Variants in KANK1 observed in about 807,000 individuals in gnomAD.
KANK1 encodes the protein KN motif and ankyrin repeat domains 1, also known as KN motif and ankyrin repeat domain-containing protein 1.
Under a neutral mutation model 106.2 loss-of-function variants are expected in KANK1, and 109 were observed. That is an observed-to-expected ratio of 1.03 (90% CI 0.88 to 1.20). KANK1 has a LOEUF of 1.20. Ranked by LOEUF, KANK1 falls within the 50% of genes most tolerant of loss-of-function variation. KANK1 has a pLI of 0.00. For synonymous variants in KANK1, 873 were observed against 652.2 expected (o/e 1.34, Z -5.16); for missense variants, 2,399 against 1,710.7 (o/e 1.40, Z -7.10).
At chr9:504,106 C>T (rs1490137325), upstream of KANK1, among the ~76,000 whole-genome samples, 3 of 152,268 alleles carry the variant, frequency 2.0e-5, no homozygotes, top group East Asian at 5.8e-4. Flanking sequence ...GTCCCCCTCA[C>T]CCGGGGAGGG....
At chr9:604,156 T>C (rs1162263365) in intron 1 of KANK1, among the ~76,000 whole-genome samples, 3 of 151,520 alleles carry the variant, frequency 2.0e-5, no homozygotes, top group Non-Finnish European at 2.9e-5. Flanking sequence ...AAATACGTTA[T>C]TGTTCTGATT....
At chr9:720,187 G>C (rs1828926981) in intron 3 of KANK1, among the ~76,000 whole-genome samples, 1 of 152,186 alleles carries the variant, frequency 6.6e-6, no homozygotes, top group Non-Finnish European at 1.5e-5. Context: ...GCTGTTATAA[G>C]TTTGAGTTAA....
chr9:540,076 T>C (rs2133810628), intron 1 of KANK1, among the ~76,000 whole-genome samples: 1 of 152,356 alleles, frequency 6.6e-6, no homozygotes, highest in East Asian at 1.9e-4. Context: ...CTATATTGAA[T>C]AGAAGTGGTT....
intron 1 of KANK1, among the ~76,000 whole-genome samples, chr9:618,232 A>C (rs558754435): frequency 6.6e-6 from 1 of 152,160 alleles, no homozygotes; most frequent in Admixed American, 6.5e-5. Flanking sequence ...TTTACGAGAC[A>C]GAGTCTCGCC....
chr9:497,713 C>CGTG (rs1260701493), intron 3 of KANK1, among the ~76,000 whole-genome samples: 1 of 151,984 alleles, frequency 6.6e-6, no homozygotes, highest in Non-Finnish European at 1.5e-5. Flanking sequence ...ATTAGCCAGG[C>CGTG]GTGGTGGCGT....
chr9:669,566 T>TA (rs1234796930), intron 1 of KANK1, among the ~76,000 whole-genome samples: 2 of 152,196 alleles, frequency 1.3e-5, no homozygotes, highest in Non-Finnish European at 2.9e-5. Flanking sequence ...CCTCCTGACT[T>TA]ACGGTTTCCA....
chr9:553,925 G>A (rs369144520), intron 1 of KANK1, among the ~76,000 whole-genome samples: 3 of 152,260 alleles, frequency 2.0e-5, no homozygotes, highest in East Asian at 1.9e-4. Flanking sequence ...AAACTTTAGC[G>A]TGCATTTGGG....
chr9:551,158 A>C (rs1297407510), intron 1 of KANK1, among the ~76,000 whole-genome samples: 3 of 151,872 alleles, frequency 2.0e-5, no homozygotes, highest in Non-Finnish European at 4.4e-5. Flanking sequence ...TAAGAAGCTC[A>C]GGCAGCTCTC....
At chr9:706,863 C>T (rs1824355800) in intron 2 of KANK1, 14 of 985,448 alleles carry the variant, frequency 1.4e-5, no homozygotes, top group Non-Finnish European at 1.7e-5. Context: ...GACACAGACT[C>T]TTTCATGAAG....
At chr9:734,887 G>T (rs373083784) in intron 7 of KANK1, 52 bp downstream of exon 7, 101 of 1,354,104 alleles carry the variant, frequency 7.5e-5, no homozygotes, top group African/African-American at 4.6e-4. Flanking sequence ...TGCATGAGTG[G>T]GTTCATTGTC....
intron 1 of KANK1, among the ~76,000 whole-genome samples, chr9:507,012 G>A (rs1181585453): frequency 2.6e-5 from 4 of 152,062 alleles, no homozygotes; most frequent in African/African-American, 7.2e-5. Context: ...GAGAGTTGAA[G>A]CTATCCAAAT....
chr9:501,042 C>G (rs918858463), upstream of KANK1, among the ~76,000 whole-genome samples: 1 of 151,954 alleles, frequency 6.6e-6, no homozygotes, highest in African/African-American at 2.4e-5. Context: ...TTCACTGAGT[C>G]TTCAGACATC....
chr9:516,414 A>G (rs2059280600), intron 1 of KANK1, among the ~76,000 whole-genome samples: 1 of 151,714 alleles, frequency 6.6e-6, no homozygotes, highest in African/African-American at 2.4e-5. Context: ...GGGAGAAGCG[A>G]TTCAAATAAC....
intron 1 of KANK1, among the ~76,000 whole-genome samples, chr9:585,547 A>T (rs1253938271): frequency 6.6e-6 from 1 of 152,210 alleles, no homozygotes; most frequent in African/African-American, 2.4e-5. Flanking sequence ...TCCAAAAAAT[A>T]TGTAGTTTGT....
At chr9:678,201 C>T (rs758248188) in intron 2 of KANK1, among the ~76,000 whole-genome samples, 17 of 152,130 alleles carry the variant, frequency 1.1e-4, no homozygotes, top group Non-Finnish European at 4.4e-5. Context: ...TACTGCCCAG[C>T]TTCTTGAGAC....
chr9:724,563 C>T (rs1224337645), intron 3 of KANK1, among the ~76,000 whole-genome samples: 18 of 152,064 alleles, frequency 1.2e-4, no homozygotes, highest in Non-Finnish European at 2.2e-4. Flanking sequence ...TTTGGGAGGC[C>T]GAGGTAGGTA....
Position 745,701 on chromosome 9 carries a change from A to T in KANK1, c.*466A>T, listed in dbSNP as rs1401188825. On this transcript the variant is annotated 3_prime_UTR_variant, in exon 12 of 12. Transcript: ENST00000382297. ...ATTTTAAAATAAGGAAGTCGAGATG[A>T]CTTTGATCATTGGTAACTTGGGCCT... The T allele has an allele frequency of 6.6e-6, 1 of 152,576 alleles. No homozygotes were observed. The highest frequency in any genetic ancestry group is 1.5e-5 in the Non-Finnish European group (1 of 68,162). The allele number at this position is 152,576 out of a possible 1,614,324, so 9.5% of individuals were successfully genotyped here.
intron 2 of KANK1, among the ~76,000 whole-genome samples, chr9:681,981 C>A (rs1817636796): frequency 6.6e-6 from 1 of 152,108 alleles, no homozygotes; most frequent in African/African-American, 2.4e-5. Flanking sequence ...TATTGAATTG[C>A]ATTAAAATGT....
Position 693,349 on chromosome 9 carries a change from AG to A in KANK1, c.37+16343del, listed in dbSNP as rs1244833594. ...AACAGAGAGCCTTTCTCTGCAGTGGAGGGTTAGGGAAAGAGGGAGTAAGTCA... is the reference window on the plus strand; with the variant it reads ...AACAGAGAGCCTTTCTCTGCAGTGGAGGTTAGGGAAAGAGGGAGTAAGTCA... On this transcript the variant is annotated intron_variant, in intron 2 of 11. Transcript: ENST00000382297. The A allele has an allele frequency of 9.2e-6, 9 of 975,168 alleles. No homozygotes were observed. In the East Asian group the frequency reaches 1.0e-3, roughly 111 times the overall value. 60.4% of individuals were successfully genotyped at this position (975,168 alleles called of 1,614,324 possible).
Sources: gnomAD v4.1 joint callset for allele counts (sites outside exome capture counted in the v4.1 genomes callset) on GRCh38, gnomAD v4.1.1 for gene constraint, MANE v1.5 for transcripts, NCBI Gene and HGNC (gene_info 2026-07-23, HGNC 2026-07-21) for gene names.